GRID1: variants seen among roughly 807,000 people sequenced by gnomAD.
The protein encoded by GRID1 is glutamate receptor ionotropic, delta-1.
A neutral mutation model predicts 98.0 loss-of-function variants in GRID1; 28 were observed. The observed-to-expected ratio is 0.29, with a 90% CI of 0.21 to 0.39. The LOEUF (loss-of-function observed/expected upper bound fraction) is 0.39. GRID1 is among the 10% of genes least tolerant of loss of function. The pLI, the probability that GRID1 is intolerant of heterozygous loss-of-function variation, is 1.00. For synonymous variants in GRID1, 553 were observed against 538.5 expected (o/e 1.03, Z -0.37); for missense variants, 1,111 against 1,340.5 (o/e 0.83, Z 2.67).
At chr10:86,359,442 A>T (rs1249024630) in intron 2 of GRID1, among the ~76,000 whole-genome samples, 1 of 152,166 alleles carries the variant, frequency 6.6e-6, no homozygotes, top group African/African-American at 2.4e-5. Flanking sequence ...TAAACTGAGC[A>T]AGGCCTCCAG....
At chr10:85,743,350 G>A (rs1253303828) in intron 8 of GRID1, among the ~76,000 whole-genome samples, 2 of 152,064 alleles carry the variant, frequency 1.3e-5, no homozygotes, top group African/African-American at 4.8e-5. Flanking sequence ...GTTAACATTA[G>A]AAGAATCCCA....
intron 8 of GRID1, among the ~76,000 whole-genome samples, chr10:85,755,628 G>A (rs540782371): frequency 6.6e-6 from 1 of 152,262 alleles, no homozygotes; most frequent in East Asian, 1.9e-4. Flanking sequence ...GCGTGAGAGC[G>A]TGAGAAAACC....
chr10:85,795,339 A>G (rs1200692597), intron 8 of GRID1, among the ~76,000 whole-genome samples: 2 of 152,156 alleles, frequency 1.3e-5, no homozygotes, highest in African/African-American at 4.8e-5. Context: ...CCCCAAACAT[A>G]TGACAGCAAA....
chr10:85,910,180 T>C (rs1185362267), intron 5 of GRID1, among the ~76,000 whole-genome samples: 3 of 152,106 alleles, frequency 2.0e-5, no homozygotes, highest in African/African-American at 7.2e-5. Flanking sequence ...AATTTGAAGA[T>C]GGTAAATGGT....
intron 12 of GRID1, among the ~76,000 whole-genome samples, chr10:85,654,549 C>T (rs1840871761): frequency 6.6e-6 from 1 of 152,210 alleles, no homozygotes; most frequent in East Asian, 1.9e-4. Flanking sequence ...CTTCTATCCT[C>T]TATGTCCACC....
intron 4 of GRID1, among the ~76,000 whole-genome samples, chr10:85,935,588 C>A (rs1841915912): frequency 6.6e-6 from 1 of 152,204 alleles, no homozygotes; most frequent in African/African-American, 2.4e-5. Context: ...CTCAGCCCCT[C>A]TGTACATTCA....
intron 8 of GRID1, among the ~76,000 whole-genome samples, chr10:85,825,322 T>C (rs985487991): frequency 2.0e-5 from 3 of 152,174 alleles, no homozygotes; most frequent in African/African-American, 7.2e-5. Context: ...TTGTTGGCCA[T>C]TTGTGTATCT....
At chr10:85,694,603 A>C (rs959358384) in intron 12 of GRID1, among the ~76,000 whole-genome samples, 1 of 123,024 alleles carries the variant, frequency 8.1e-6, no homozygotes, top group Non-Finnish European at 1.7e-5. Context: ...TATATATATA[A>C]TGGAATATTA....
At chr10:86,044,671 G>T (rs552745526) in intron 4 of GRID1, among the ~76,000 whole-genome samples, 1 of 152,332 alleles carries the variant, frequency 6.6e-6, no homozygotes, top group East Asian at 1.9e-4. Flanking sequence ...AACTCTTAGA[G>T]ATGTGCAACC....
intron 4 of GRID1, among the ~76,000 whole-genome samples, chr10:86,081,782 A>C (rs1487796144): frequency 3.3e-5 from 5 of 152,210 alleles, no homozygotes; most frequent in Non-Finnish European, 5.9e-5. Flanking sequence ...GACATACTAT[A>C]TGATTCCAAC....
chr10:86,317,779 C>G (rs1490801152), intron 2 of GRID1, among the ~76,000 whole-genome samples: 1 of 152,116 alleles, frequency 6.6e-6, no homozygotes, highest in South Asian at 2.1e-4. Flanking sequence ...CGCACTCTGT[C>G]ATCCAGGCTG....
intron 2 of GRID1, among the ~76,000 whole-genome samples, chr10:86,317,826 G>T (rs116428765): frequency 8.1e-4 from 123 of 152,154 alleles, no homozygotes; most frequent in African/African-American, 2.8e-3. Context: ...TTGCAGCCTT[G>T]ACCTCCTAAG....
At chr10:86,070,608 T>C (rs1005337038) in intron 4 of GRID1, among the ~76,000 whole-genome samples, 2 of 152,048 alleles carry the variant, frequency 1.3e-5, no homozygotes, top group African/African-American at 4.8e-5. Context: ...GAACTATCCA[T>C]CAGCCTTCTC....
At chr10:86,161,879 A>G (rs1230344473) in intron 3 of GRID1, among the ~76,000 whole-genome samples, 1 of 152,240 alleles carries the variant, frequency 6.6e-6, no homozygotes, top group Non-Finnish European at 1.5e-5. Flanking sequence ...AACAAAAATT[A>G]CATCCAGCTT....
intron 4 of GRID1, among the ~76,000 whole-genome samples, chr10:85,922,094 T>A (rs916350946): frequency 6.6e-6 from 1 of 152,234 alleles, no homozygotes; most frequent in African/African-American, 2.4e-5. Flanking sequence ...AAAGCCTGTG[T>A]TCTTTCCTTT....
chr10:85,772,241 G>A (rs1470976316), intron 8 of GRID1, among the ~76,000 whole-genome samples: 2 of 152,000 alleles, frequency 1.3e-5, no homozygotes, highest in African/African-American at 2.4e-5. Flanking sequence ...ATAACGAAAT[G>A]AAGGCAGAAA....
At chr10:85,662,929 T>C (rs1189897230) in intron 12 of GRID1, among the ~76,000 whole-genome samples, 1 of 152,044 alleles carries the variant, frequency 6.6e-6, no homozygotes, top group East Asian at 1.9e-4. Context: ...CTCCGATACT[T>C]TATGTTCTGT....
At chr10:85,609,855 C>T (rs1262393857) in intron 15 of GRID1, among the ~76,000 whole-genome samples, 2 of 152,188 alleles carry the variant, frequency 1.3e-5, no homozygotes, top group Non-Finnish European at 1.5e-5. Context: ...GGCTCCACAT[C>T]CCCCATAAAT....
chr10:86,100,452 T>TA (rs1182865494), intron 4 of GRID1, among the ~76,000 whole-genome samples: 1 of 152,104 alleles, frequency 6.6e-6, no homozygotes, highest in Non-Finnish European at 1.5e-5. Flanking sequence ...TGGTGAAACT[T>TA]ACACTCCAGT....
Sources: gnomAD v4.1 joint callset for allele counts (sites outside exome capture counted in the v4.1 genomes callset) on GRCh38, gnomAD v4.1.1 for gene constraint, MANE v1.5 for transcripts, NCBI Gene and HGNC (gene_info 2026-07-23, HGNC 2026-07-21) for gene names.